Variants in CHD2 observed in about 807,000 individuals in gnomAD.
The protein encoded by CHD2 is chromodomain helicase DNA binding protein 2.
Under a neutral mutation model 243.9 loss-of-function variants are expected in CHD2, and 28 were observed. The observed-to-expected ratio is 0.11, with a 90% CI of 0.09 to 0.16. The LOEUF is 0.16. Ranked by LOEUF, CHD2 falls within the 10% of genes least tolerant of loss-of-function variation. The pLI, the probability that CHD2 is intolerant of heterozygous loss-of-function variation, is 1.00. For synonymous variants in CHD2, 775 were observed against 779.0 expected (o/e 0.99, Z 0.09); for missense variants, 1,386 against 2,209.8 (o/e 0.63, Z 7.47).
intron 14 of CHD2, 41 bp downstream of exon 14, chr15:92,953,614 A>C: frequency 6.3e-7 from 1 of 1,576,412 alleles, no homozygotes; most frequent in Non-Finnish European, 8.7e-7. Context: ...CTGTGTTATA[A>C]ATGTAATTTA....
intron 4 of CHD2, among the ~76,000 whole-genome samples, chr15:92,928,523 A>G (rs1596382850): frequency 6.6e-6 from 1 of 152,254 alleles, no homozygotes; most frequent in East Asian, 1.9e-4. Flanking sequence ...TGAATACATC[A>G]GTAGTTGGTG....
chr15:92,924,241 T>C (rs1271357364), intron 2 of CHD2, 80 bp from the exon 3 acceptor site: 1 of 1,267,648 alleles, frequency 7.9e-7, no homozygotes, highest in Non-Finnish European at 1.1e-6. Context: ...TGCAAATGTT[T>C]TACCATGAGA....
intron 13 of CHD2, among the ~76,000 whole-genome samples, chr15:92,949,485 A>G (rs1054385756): frequency 6.6e-6 from 1 of 152,108 alleles, no homozygotes; most frequent in African/African-American, 2.4e-5. Flanking sequence ...TTAATTTCCT[A>G]CAGTAGTGCT....
At chr15:93,000,007 C>T (rs1042753710) in intron 31 of CHD2, among the ~76,000 whole-genome samples, 2 of 152,042 alleles carry the variant, frequency 1.3e-5, no homozygotes, top group African/African-American at 2.4e-5. Context: ...ACCTGTAATC[C>T]CAGCACTTTG....
At chr15:92,924,771 G>A (rs2141746792) in intron 3 of CHD2, among the ~76,000 whole-genome samples, 1 of 152,248 alleles carries the variant, frequency 6.6e-6, no homozygotes, top group South Asian at 2.1e-4. Context: ...AGGGAGGAAA[G>A]ACAAATTTTT....
intron 17 of CHD2, 76 bp downstream of exon 17, chr15:92,967,589 T>C (rs2053781864): frequency 3.0e-6 from 3 of 987,910 alleles, no homozygotes; most frequent in Non-Finnish European, 4.1e-6. Context: ...GATATATATA[T>C]ATACTTTTGT....
intron 16 of CHD2, among the ~76,000 whole-genome samples, chr15:92,962,918 T>A (rs1438271958): frequency 6.6e-6 from 1 of 152,214 alleles, no homozygotes; most frequent in Non-Finnish European, 1.5e-5. Context: ...TTTATTGTTT[T>A]GTAAATCCAT....
intron 38 of CHD2, among the ~76,000 whole-genome samples, chr15:93,023,584 C>T (rs536038164): frequency 2.0e-5 from 3 of 151,876 alleles, no homozygotes; most frequent in South Asian, 4.2e-4. Flanking sequence ...AATGTTTCTA[C>T]GATGGCTGAA....
At chr15:92,957,690 CTTTTA>C (rs2053633868) in intron 16 of CHD2, among the ~76,000 whole-genome samples, 1 of 150,300 alleles carries the variant, frequency 6.7e-6, no homozygotes. Context: ...TTATTTTTTA[CTTTTA>C]TTTTTATTTT....
At chr15:92,955,212 G>A (rs936934258) in intron 14 of CHD2, among the ~76,000 whole-genome samples, 1 of 152,102 alleles carries the variant, frequency 6.6e-6, no homozygotes, top group Non-Finnish European at 1.5e-5. Context: ...TGGCAATAAA[G>A]CTTTTGCTGT....
intron 12 of CHD2, chr15:92,947,065 C>T (rs899274712): frequency 6.6e-6 from 1 of 152,118 alleles, no homozygotes; most frequent in Non-Finnish European, 1.5e-5. Flanking sequence ...TTTATTCCAT[C>T]AGGAAACTGA....
At position 92,997,551 on chromosome 15, in the gene CHD2, T is replaced by G. The variant is rs2054202959; in HGVS notation, c.3885+148T>G. ...GGAAATACTTCCATCTTTAGCAGATTGTGGCACTGTTTCACGGATGAAGAT... is the reference window on the plus strand; with the variant it reads ...GGAAATACTTCCATCTTTAGCAGATGGTGGCACTGTTTCACGGATGAAGAT... On this transcript the variant is annotated intron_variant, in intron 30 of 38. Transcript: ENST00000394196. The surrounding 1 kb of genome is among the most constrained non-coding windows in gnomAD (Gnocchi z 4.1). 2.9e-6 allele frequency: 2 copies of G among 692,100 alleles called. No individual in the cohort carries two copies. The highest frequency in any genetic ancestry group is 4.3e-6 in the Non-Finnish European group (2 of 461,188). The allele number at this position is 692,100 out of a possible 1,614,324, so 42.9% of individuals were successfully genotyped here.
chr15:92,951,223 C>T (rs1444221486), intron 13 of CHD2, among the ~76,000 whole-genome samples: 2 of 151,884 alleles, frequency 1.3e-5, no homozygotes, highest in South Asian at 2.1e-4. Context: ...CAGGCTGGAG[C>T]GCAGTGGCAT....
chr15:93,001,306 ACTC>A (rs1205873361), intron 32 of CHD2, among the ~76,000 whole-genome samples: 2 of 151,724 alleles, frequency 1.3e-5, no homozygotes, highest in African/African-American at 4.8e-5. Flanking sequence ...TGTTAACAAA[ACTC>A]CTGTGGGTCA....
chr15:92,904,291 C>A, intron 2 of CHD2: 1 of 209,220 alleles, frequency 4.8e-6, no homozygotes, highest in Non-Finnish European at 8.3e-6. Flanking sequence ...AGTTCAAAGG[C>A]CGGCCGGCGC....
chr15:92,943,171 T>G, intron 9 of CHD2, 103 bp downstream of exon 9: 1 of 936,092 alleles, frequency 1.1e-6, no homozygotes, highest in Non-Finnish European at 1.6e-6. Flanking sequence ...ATCTCAGATT[T>G]TGCTTTGATC....
At chr15:92,989,232 A>C (rs953791982) in intron 26 of CHD2, among the ~76,000 whole-genome samples, 1 of 152,128 alleles carries the variant, frequency 6.6e-6, no homozygotes, top group South Asian at 2.1e-4. Context: ...GGGTTTCACC[A>C]TGTTGGCCAG....
chr15:93,008,840 G>T (rs994284623), intron 34 of CHD2, among the ~76,000 whole-genome samples: 1 of 152,140 alleles, frequency 6.6e-6, no homozygotes, highest in African/African-American at 2.4e-5. Flanking sequence ...CTGCTCATTA[G>T]ATCTTCAAAA....
intron 12 of CHD2, among the ~76,000 whole-genome samples, chr15:92,948,151 A>G (rs145597101): frequency 3.0e-4 from 45 of 152,292 alleles, no homozygotes; most frequent in African/African-American, 1.1e-3. Flanking sequence ...CTGGGGGTGA[A>G]AACAACCTTC....
Sources: allele counts gnomAD v4.1 joint callset (sites outside exome capture counted in the v4.1 genomes callset), GRCh38; gene constraint gnomAD v4.1.1; non-coding constraint Gnocchi (gnomAD v3.1); transcripts MANE v1.5; gene names NCBI Gene and HGNC (gene_info 2026-07-23, HGNC 2026-07-21).